The following PERM1 variants were observed in gnomAD, a reference collection of about 807,000 sequenced individuals.
PERM1 encodes the protein PPARGC1 and ESRR induced regulator, muscle 1, also known as PGC-1 and ERR-induced regulator in muscle protein 1.
Under a neutral mutation model 44.1 loss-of-function variants are expected in PERM1, and 45 were observed. The ratio of observed to expected loss-of-function variants is 1.02; its 90% CI spans 0.80 to 1.31. The LOEUF (loss-of-function observed/expected upper bound fraction) is 1.31. PERM1 is among the 50% of genes most tolerant of loss of function. The pLI, the probability that PERM1 is intolerant of heterozygous loss-of-function variation, is 0.00. For missense variants in PERM1, 1,189 were observed against 1,106.9 expected, an observed-to-expected ratio of 1.07 and a Z score of -1.05; for synonymous variants, 565 against 477.1, an observed-to-expected ratio of 1.18 and a Z score of -2.40.
exon 1 of PERM1, chr1:980,196 G>A (rs1369652748): frequency 9.0e-6 from 14 of 1,550,346 alleles, no homozygotes; most frequent in Non-Finnish European, 1.2e-5. Context: ...TGGACACTGT[G>A]TGCAGCTTGG....
At chr1:981,868 T>C (rs995960416), upstream of PERM1, among the ~76,000 whole-genome samples, 2 of 152,220 alleles carry the variant, frequency 1.3e-5, no homozygotes, top group African/African-American at 4.8e-5. Flanking sequence ...GGGGCCGCCC[T>C]CGGCCTCAGG....
chr1:979,334 C>T (rs1643718615), exon 1 of PERM1: 1 of 1,525,128 alleles, frequency 6.6e-7, no homozygotes, highest in Non-Finnish European at 8.8e-7. Flanking sequence ...CTCGTCACGG[C>T]AGAGGGAGGG....
Position 981,009 on chromosome 1 carries a change from GCTGTA to G in PERM1, c.16_20del (p.Tyr6ArgfsTer5), listed in dbSNP as rs1280072344. On this transcript the variant is annotated frameshift_variant, in exon 1 of 3. Transcript: ENST00000433179. LOFTEE classifies it high-confidence loss of function. ...CCCAGTCCTGGTCACTCAGCTGGAC[GCTGTA>G]CTGGAAATTTTCCATGTGGAGTCAG... is the stretch of plus-strand genomic sequence containing the variant. The G allele has an allele frequency of 2.6e-6, 4 of 1,526,544 alleles. No individual in the cohort carries two copies. Among genetic ancestry groups the G allele is most frequent in the Non-Finnish European group, 3.5e-6 (4 of 1,140,168 alleles). The allele number at this position is 1,526,544 out of a possible 1,614,324, so 94.6% of individuals were successfully genotyped here.
chr1:976,149 T>G, exon 3 of PERM1: 1 of 1,544,506 alleles, frequency 6.5e-7, no homozygotes, highest in Non-Finnish European at 8.7e-7. Flanking sequence ...TCATCCTGCA[T>G]CTCCCTGGCC....
upstream of PERM1, among the ~76,000 whole-genome samples, chr1:981,432 A>T (rs2100508337): frequency 6.6e-6 from 1 of 152,140 alleles, no homozygotes; most frequent in South Asian, 2.1e-4. Flanking sequence ...CACCTCCTCC[A>T]CCTTCTGCCA....
Position 979,575 on chromosome 1 carries a change from T to C in PERM1, c.1455A>G (p.Gly485=), listed in dbSNP as rs755824528. The C allele has an allele frequency of 2.6e-6, 4 of 1,550,006 alleles. No individual in the cohort carries two copies. The South Asian group carries it at 3.6e-5, about 14-fold the overall frequency. The stretch of plus-strand genomic sequence containing the variant: ...CCAGTGCGGGTGCCCCAGAGCAGCA[T>C]CCGGGGGCCCCTGCTGAGGGCTCAG... Residue 485 remains glycine (G), a synonymous_variant, in exon 1 of 3, where the codon GGA becomes GGG. Transcript: ENST00000433179.
rs1643592030 is a variant in PERM1, at chr1:976,115, C to T, written c.*57G>A. The stretch of plus-strand genomic sequence containing the variant: ...CGGGCGAGGGCGGCACCTCGTCCTG[C>T]CCTGGGCGCCTGTGGTCGTCTCCTC... On this transcript the variant is annotated 3_prime_UTR_variant, in exon 3 of 3. Transcript: ENST00000433179. The T allele has an allele frequency of 1.5e-5, 22 of 1,513,328 alleles. No homozygotes were observed. The East Asian group carries it at 5.2e-4, about 36-fold the overall frequency. 93.7% of individuals were successfully genotyped at this position (1,513,328 alleles called of 1,614,324 possible). A position where few individuals can be genotyped will look rare whatever the true frequency, so the allele number is the denominator to read the frequency against.
At chr1:978,729 G>T in intron 1 of PERM1, 152 bp downstream of exon 2, 1 of 315,020 alleles carries the variant, frequency 3.2e-6, no homozygotes, top group Non-Finnish European at 4.6e-6. Context: ...TGGACTGTGT[G>T]CTGGGATGAC....
chr1:978,091 C>G (rs1411687341), intron 1 of PERM1, among the ~76,000 whole-genome samples: 2 of 92,888 alleles, frequency 2.2e-5, no homozygotes, highest in African/African-American at 9.0e-5. Context: ...AGCCGCTTCC[C>G]CCGCAACCCC....
exon 1 of PERM1, chr1:979,561 G>C (rs1160965040): frequency 6.5e-6 from 10 of 1,549,956 alleles, no homozygotes; most frequent in Non-Finnish European, 8.7e-6. Flanking sequence ...CAGTGCGGGT[G>C]CCCCAGAGCA....
At position 979,313 on chromosome 1, in the gene PERM1, C is replaced by T. The variant is rs536195330; in HGVS notation, c.1717G>A (p.Gly573Arg). ...GGGAGGGTCACGGCAAAGCTGCTCC[C>T]GGGCCCGACCCTCGTCACGGCAGAG... The change falls in exon 1 of 3, where the codon GGG becomes AGG. Residue 573 changes from glycine to arginine, a missense_variant. Gly to Arg is a moderately radical substitution (Grantham distance 125, BLOSUM62 -2). Transcript: ENST00000433179. 2.4e-5 allele frequency: 37 copies of T among 1,536,840 alleles called. No individual in the cohort carries two copies. Among genetic ancestry groups the T allele is most frequent in the South Asian group, 3.6e-5 (3 of 82,454 alleles).
At position 976,270 on chromosome 1, in the gene PERM1, C is replaced by A; in HGVS notation, c.2276-1G>T. On this transcript the variant is annotated splice_acceptor_variant, in intron 2 of 2. Transcript: ENST00000433179. LOFTEE classifies it high-confidence loss of function. ...ATGGTGCCGACGTTGGCCAGCAAGG[C>A]TGCAAGAGAAGCACAGGCTCTTCTG... 1 of 1,513,364 alleles carries A rather than the reference C, an allele frequency of 6.6e-7. No homozygotes were observed. Among genetic ancestry groups the A allele is most frequent in the Non-Finnish European group, 8.8e-7 (1 of 1,130,622 alleles). 93.7% of individuals were successfully genotyped at this position (1,513,364 alleles called of 1,614,324 possible).
At chr1:979,441 G>A in exon 1 of PERM1, 1 of 1,541,974 alleles carries the variant, frequency 6.5e-7, no homozygotes, top group Non-Finnish European at 8.8e-7. Flanking sequence ...CCCAGTTGCT[G>A]TCTGGGGGGC....
exon 1 of PERM1, chr1:979,162 A>G: frequency 1.3e-6 from 2 of 1,550,018 alleles, no homozygotes; most frequent in East Asian, 2.4e-5. Flanking sequence ...CTGGGCTCCA[A>G]CGTCTGGGAA....
chr1:976,456 C>A, intron 2 of PERM1, 43 bp downstream of exon 3: 2 of 1,549,190 alleles, frequency 1.3e-6, no homozygotes, highest in South Asian at 1.2e-5. Context: ...GCCCCTCGGT[C>A]TGGCTTCTAG....
exon 1 of PERM1, chr1:979,255 A>G: frequency 1.3e-6 from 2 of 1,549,944 alleles, no homozygotes; most frequent in Non-Finnish European, 1.7e-6. Context: ...GTTCTCCTCG[A>G]TGGTGTCACA....
At chr1:980,981 C>T (rs904993512) in exon 1 of PERM1, 12 of 1,480,420 alleles carry the variant, frequency 8.1e-6, no homozygotes, top group African/African-American at 4.3e-5. Flanking sequence ...GCTGAGAACT[C>T]GGCCCAGTCC....
chr1:982,006 TGG>T (rs1169126221), upstream of PERM1: 3 of 1,260,638 alleles, frequency 2.4e-6, no homozygotes, highest in South Asian at 3.8e-5. Flanking sequence ...GAAGCCTCTG[TGG>T]GGGTTGTTAC....
At chr1:976,026 G>T in exon 3 of PERM1, 1 of 775,488 alleles carries the variant, frequency 1.3e-6, no homozygotes, top group South Asian at 1.9e-5. Context: ...CAGGTGAGTC[G>T]GAGGGAGCAG....
Sources: gnomAD v4.1 joint callset for allele counts (sites outside exome capture counted in the v4.1 genomes callset) on GRCh38, gnomAD v4.1.1 for gene constraint, MANE v1.5 for transcripts, NCBI Gene and HGNC (gene_info 2026-07-23, HGNC 2026-07-21) for gene names.